The following SLC12A7 variants were observed in gnomAD, a reference collection of about 807,000 sequenced individuals.
SLC12A7 encodes the protein K-Cl cotransporter 4.
In SLC12A7, 100 loss-of-function variants were observed where a neutral mutation model predicts 120.6. The observed-to-expected ratio is 0.83, with a 90% CI of 0.71 to 0.98. The LOEUF (loss-of-function observed/expected upper bound fraction) is 0.98. Ranked by LOEUF, SLC12A7 falls within the 50% of genes least tolerant of loss-of-function variation. SLC12A7 has a pLI of 0.00. For missense variants in SLC12A7, 1,373 were observed against 1,548.1 expected (o/e 0.89, Z 1.90); for synonymous variants, 760 against 678.0 (o/e 1.12, Z -1.88).
At chr5:1,064,744 G>A (rs976861458) in intron 18 of SLC12A7, among the ~76,000 whole-genome samples, 13 of 150,490 alleles carry the variant, frequency 8.6e-5, no homozygotes, top group Non-Finnish European at 1.5e-4. Flanking sequence ...ACAGCGAGGG[G>A]ACGGCGAGGA....
At position 1,083,722 on chromosome 5, in the gene SLC12A7, A is replaced by G; in HGVS notation, c.1129+23T>C. On this transcript the variant is annotated intron_variant, in intron 8 of 23. Coordinates refer to ENST00000264930, the MANE Select transcript of SLC12A7 (RefSeq NM_006598.3). ...GCTGCCCCCGCCACCCCCCAGCTCC[A>G]GCTGCAGCCCTGTGAGCCTCACCCA... The G allele has an allele frequency of 1.9e-6, 3 of 1,606,232 alleles. No homozygotes were observed. The South Asian group carries it at 3.3e-5, about 18-fold the overall frequency.
At chr5:1,063,186 A>G (rs1736496461) in intron 20 of SLC12A7, among the ~76,000 whole-genome samples, 1 of 152,308 alleles carries the variant, frequency 6.6e-6, no homozygotes, top group African/African-American at 2.4e-5. Flanking sequence ...GTCTCTGTCC[A>G]GGCCCTGCCT....
At chr5:1,110,473 C>G (rs559920190) in intron 1 of SLC12A7, among the ~76,000 whole-genome samples, 2 of 152,352 alleles carry the variant, frequency 1.3e-5, no homozygotes, top group South Asian at 2.1e-4. Flanking sequence ...GACAAGAAAA[C>G]GAACAAGCAC....
chr5:1,085,090 C>A (rs540794258), intron 7 of SLC12A7, 142 bp downstream of exon 7: 3 of 1,198,728 alleles, frequency 2.5e-6, no homozygotes, highest in Admixed American at 2.6e-5. Flanking sequence ...AACGAGCCCA[C>A]GGGGGTTCCC....
Position 1,077,973 on chromosome 5 carries a change from C to T in SLC12A7, c.1489G>A (p.Gly497Ser), listed in dbSNP as rs751647758. 1.9e-5 allele frequency: 30 copies of T among 1,591,400 alleles called. No homozygotes were observed. The Admixed American group carries it at 1.9e-4, about 10-fold the overall frequency. ...CAGGGGGAGGGCCAGGCCAGCATGC[C>T]GATGACCAGGTTCCCCTGCAGGGCC... Reference protein sequence around the residue: ...GEALQGNLVIGMLAWPSPWVI... With the variant: ...GEALQGNLVISMLAWPSPWVI... The change falls in exon 12 of 24, where the codon GGC (glycine) becomes AGC (serine). Residue 497 changes from glycine (G) to serine (S), a missense_variant. Coordinates refer to ENST00000264930, the MANE Select transcript of SLC12A7 (RefSeq NM_006598.3).
At chr5:1,074,782 GA>G (rs1738136728) in intron 15 of SLC12A7, 111 bp from the exon 16 acceptor site, 1 of 999,374 alleles carries the variant, frequency 1.0e-6, no homozygotes, top group Non-Finnish European at 1.5e-6. Context: ...GGACCCCCAG[GA>G]AAAGTCCCTG....
At chr5:1,105,477 C>G (rs572307431) in intron 1 of SLC12A7, among the ~76,000 whole-genome samples, 2 of 152,256 alleles carry the variant, frequency 1.3e-5, no homozygotes, top group African/African-American at 4.8e-5. Context: ...GCCTGCCCCC[C>G]GGCACTCCCG....
chr5:1,090,305 A>G (rs1462905845), intron 3 of SLC12A7, among the ~76,000 whole-genome samples: 1 of 152,162 alleles, frequency 6.6e-6, no homozygotes, highest in East Asian at 1.9e-4. Flanking sequence ...CCCTGGGAAA[A>G]ATAATGTAAG....
chr5:1,151,255 A>G, the SLC12A7 span, among the ~76,000 whole-genome samples: 2 of 152,216 alleles, frequency 1.3e-5, no homozygotes, highest in African/African-American at 4.8e-5. The surrounding 1 kb of genome is among the most constrained non-coding windows in gnomAD (Gnocchi z 6.2). Flanking sequence ...CTTCTCCTTA[A>G]GCGGCAAAAA....
intron 3 of SLC12A7, among the ~76,000 whole-genome samples, chr5:1,092,557 G>A (rs370168869): frequency 1.3e-5 from 2 of 152,148 alleles, no homozygotes; most frequent in African/African-American, 4.8e-5. Flanking sequence ...AATAATAGGG[G>A]AATTTAAAAA....
the SLC12A7 span, among the ~76,000 whole-genome samples, chr5:1,150,016 G>C: frequency 9.2e-5 from 14 of 152,320 alleles, no homozygotes; most frequent in African/African-American, 3.1e-4. Context: ...GGCAACGAGA[G>C]CGAAACTCCA....
chr5:1,079,536 G>C (rs549705588), intron 9 of SLC12A7, 40 bp from the exon 10 acceptor site: 18 of 1,532,822 alleles, frequency 1.2e-5, no homozygotes, highest in Admixed American at 5.0e-5. Flanking sequence ...CATCTGAGGA[G>C]TCAGTGCCAT....
At chr5:1,102,993 T>A (rs1742165425) in intron 1 of SLC12A7, among the ~76,000 whole-genome samples, 5 of 152,096 alleles carry the variant, frequency 3.3e-5, no homozygotes, top group African/African-American at 1.2e-4. Context: ...GGCACTGAAA[T>A]AAAGTGTGTT....
chr5:1,150,378 G>A, the SLC12A7 span, among the ~76,000 whole-genome samples: 5 of 148,518 alleles, frequency 3.4e-5, no homozygotes, highest in African/African-American at 1.0e-4. Context: ...CACAGGCCTC[G>A]ACCAGAGGAA....
rs377292572 is a variant in SLC12A7, at chr5:1,057,446, C to G, written c.3026+25G>C. On this transcript the variant is annotated intron_variant, in intron 22 of 23. Transcript: ENST00000264930. ...CCAGCACTGCCAGGATCTGTTCCCC[C>G]CAGGCCACACGCACGGACACTCACG... The G allele has an allele frequency of 2.6e-5, 41 of 1,592,606 alleles. No homozygotes were observed. The Admixed American group carries it at 3.9e-4, about 15-fold the overall frequency.
chr5:1,129,883 T>C, the SLC12A7 span, among the ~76,000 whole-genome samples: 1 of 152,136 alleles, frequency 6.6e-6, no homozygotes, highest in South Asian at 2.1e-4. Context: ...AGCTGGAAAC[T>C]GCACAGCCCA....
intron 5 of SLC12A7, among the ~76,000 whole-genome samples, chr5:1,087,349 G>A (rs1739982867): frequency 6.6e-6 from 1 of 152,230 alleles, no homozygotes; most frequent in South Asian, 2.1e-4. Context: ...ATCAGTGGCA[G>A]CCCCAGCCCC....
At chr5:1,053,755 TAC>T (rs1735305167) in intron 22 of SLC12A7, among the ~76,000 whole-genome samples, 1 of 152,230 alleles carries the variant, frequency 6.6e-6, no homozygotes, top group African/African-American at 2.4e-5. Context: ...TTCTAAGGGC[TAC>T]AGTCACACAA....
At chr5:1,132,503 C>T in the SLC12A7 span, among the ~76,000 whole-genome samples, 2 of 152,032 alleles carry the variant, frequency 1.3e-5, no homozygotes, top group African/African-American at 4.8e-5. Context: ...TCTTGGGGGT[C>T]GTCTGGATTG....
Sources: gnomAD v4.1 joint callset for allele counts (sites outside exome capture counted in the v4.1 genomes callset) on GRCh38, gnomAD v4.1.1 for gene constraint, Gnocchi (gnomAD v3.1) non-coding constraint, MANE v1.5 for transcripts, NCBI Gene and HGNC (gene_info 2026-07-23, HGNC 2026-07-21) for gene names.